The following EFS variants were observed in gnomAD, a reference collection of about 807,000 sequenced individuals.
EFS encodes embryonal Fyn-associated substrate.
In EFS, 34 loss-of-function variants were observed where a neutral mutation model predicts 42.2. That is an observed-to-expected ratio of 0.81 (90% CI 0.61 to 1.07). The LOEUF is 1.07. Ranked by LOEUF, EFS falls within the 50% of genes least tolerant of loss-of-function variation. The pLI is 0.00. For synonymous variants in EFS, 299 were observed against 320.7 expected (o/e 0.93, Z 0.72); for missense variants, 717 against 729.4 (o/e 0.98, Z 0.20).
chr14:23,360,751 AC>A lies in EFS; in HGVS notation c.100del (p.Val34SerfsTer30). The A allele has an allele frequency of 6.2e-7, 1 of 1,613,878 alleles. No individual in the cohort carries two copies. Among genetic ancestry groups the A allele is most frequent in the Non-Finnish European group, 8.5e-7 (1 of 1,179,964 alleles). On this transcript the variant is annotated frameshift_variant, in exon 2 of 6. Coordinates refer to ENST00000216733, the MANE Select transcript of EFS (RefSeq NM_005864.4). LOFTEE classifies it high-confidence loss of function. ...TCCACCAGCGCCCTCTCTCTGCAGG[AC>A]CCGTAGGACATCCCCTCGGCGGAAG... ...LSFRRGDVLR[V>X]LQREGAGGLD... is the part of the protein sequence containing the mutation.
In EFS at chr14:23,361,263, G is replaced by T. The variant is rs566798548; in HGVS notation, c.19-430C>A. On this transcript the variant is annotated intron_variant, in intron 1 of 5. Transcript: ENST00000216733. The stretch of plus-strand genomic sequence containing the variant: ...TGGTCATTACACATGTTGAATGAAT[G>T]TCTTCCAAAACATGTGAAGCCCTGC... Among the ~76,000 whole-genome samples the T allele has an allele frequency of 5.3e-5, 8 of 152,274 alleles. No homozygotes were observed. The South Asian group carries it at 1.7e-3, about 32-fold the overall frequency.
Position 23,358,290 on chromosome 14 carries a change from AAAGTGCATTTC to A in EFS, c.1251+575_1251+585del, listed in dbSNP as rs879817060. ...AGATAATATACAGAAAGGGCTTAGC[AAAGTGCATTTC>A]ACACTGTGAGCACCAGATGAGTGTT... is the stretch of plus-strand genomic sequence containing the variant. On this transcript the variant is annotated intron_variant, in intron 5 of 5. Transcript: ENST00000216733. Among the ~76,000 whole-genome samples the A allele has an allele frequency of 9.5e-4, 145 of 152,346 alleles. No homozygotes were observed. In the Middle Eastern group the frequency reaches 0.02, roughly 21 times the overall value.
rs2231813 is a variant in EFS, at chr14:23,357,376, G to A, written c.1536C>T (p.Gly512=). ...CCAGCACAGTGGCCCGCAATGCCTG[G>A]CCCAGTGCTGTACCTGCAGCCCTGA... ...AQVRAAGTAL[G]QALRATVLAV... is the part of the protein sequence containing the mutation. Residue 512 remains glycine (G), a synonymous_variant, in exon 6 of 6, where the codon GGC becomes GGT. Transcript: ENST00000216733. 1.9e-5 allele frequency: 31 copies of A among 1,610,314 alleles called. No individual in the cohort carries two copies. The Admixed American group carries it at 3.8e-4, about 20-fold the overall frequency.
chr14:23,358,286 T>C (rs1889994750), intron 5 of EFS, among the ~76,000 whole-genome samples: 1 of 152,220 alleles, frequency 6.6e-6, no homozygotes, highest in South Asian at 2.1e-4. Context: ...AGAAAGGGCT[T>C]AGCAAAGTGC....
intron 1 of EFS, 97 bp from the exon 2 acceptor site, chr14:23,360,930 A>G (rs551830253): frequency 1.6e-6 from 2 of 1,283,612 alleles, no homozygotes; most frequent in Admixed American, 3.1e-5. Context: ...CATTTCCCTC[A>G]AGCTAAAAAA....
Position 23,359,746 on chromosome 14 carries a change from C to T in EFS, c.732G>A (p.Glu244=). ...AGATCCCCTCATCAGTGCCCCCGCC[C>T]TCCCCGTCTGCCAGCAGTTCCTCGG... ...EAPEELLADG[E]GGGTDEGIYD... The change falls in exon 4 of 6, where the codon GAG becomes GAA. Residue 244 remains glutamate (E), a synonymous_variant. Transcript: ENST00000216733. 1.3e-6 allele frequency: 2 copies of T among 1,516,318 alleles called. No individual in the cohort carries two copies. The highest frequency in any genetic ancestry group is 1.3e-5 in the South Asian group (1 of 75,058). The allele number at this position is 1,516,318 out of a possible 1,614,324, so 93.9% of individuals were successfully genotyped here.
intron 4 of EFS, 77 bp downstream of exon 4, chr14:23,359,240 C>G: frequency 6.2e-7 from 1 of 1,600,878 alleles, no homozygotes; most frequent in Non-Finnish European, 8.5e-7. Flanking sequence ...GGCTCTGCCT[C>G]TGTGCCCTAG....
At position 23,357,465 on chromosome 14, in the gene EFS, G is replaced by C; in HGVS notation, c.1447C>G (p.Arg483Gly). The C allele has an allele frequency of 6.2e-7, 1 of 1,613,958 alleles. No individual in the cohort carries two copies. The highest frequency in any genetic ancestry group is 8.5e-7 in the Non-Finnish European group (1 of 1,179,986). ...AGGGTGTCCCCAACAAACACCAGGC[G>C]ATGAGCAGCCACCACCACCCTCTTG... ...HSKRVVVAAHRLVFVGDTLGR... is the reference protein window; with the variant it reads ...HSKRVVVAAHGLVFVGDTLGR... The change falls in exon 6 of 6, where the codon CGC becomes GGC. Residue 483 changes from arginine to glycine, a missense_variant. Transcript: ENST00000216733.
Position 23,357,216 on chromosome 14 carries a change from C to A in EFS, c.*10G>T. ...AGGCAGGGGAGGAGCAGAGCTGTGC[C>A]AAAGGACCTTCATGGAGCCAGGCTA... On this transcript the variant is annotated 3_prime_UTR_variant, in exon 6 of 6. Coordinates refer to ENST00000216733, the MANE Select transcript of EFS (RefSeq NM_005864.4). 1 of 1,532,196 alleles carries A rather than the reference C, an allele frequency of 6.5e-7. No homozygotes were observed. Among genetic ancestry groups the A allele is most frequent in the African/African-American group, 1.4e-5 (1 of 73,398 alleles). 94.9% of individuals were successfully genotyped at this position (1,532,196 alleles called of 1,614,324 possible). A position where few individuals can be genotyped will look rare whatever the true frequency, so the allele number is the denominator to read the frequency against.
At chr14:23,359,240 C>T (rs1465411980) in intron 4 of EFS, 77 bp downstream of exon 4, 5 of 1,600,760 alleles carry the variant, frequency 3.1e-6, no homozygotes, top group Admixed American at 3.4e-5. Flanking sequence ...GGCTCTGCCT[C>T]TGTGCCCTAG....
In EFS at chr14:23,357,231, G is replaced by C; in HGVS notation, c.1681C>G (p.Pro561Ala). 6.5e-7 allele frequency: 1 copy of C among 1,541,346 alleles called. No homozygotes were observed. Among genetic ancestry groups the C allele is most frequent in the Non-Finnish European group, 8.8e-7 (1 of 1,136,084 alleles). ...QFTTLLTSLA[P>A] ...AGAGCTGTGCCAAAGGACCTTCATG[G>C]AGCCAGGCTAGTGAGCAGGGTAGTG... The change falls in exon 6 of 6, where the codon CCA becomes GCA. Residue 561 changes from proline to alanine, a missense_variant. Transcript: ENST00000216733.
In EFS at chr14:23,359,427, TG is replaced by T. The variant is rs773265649; in HGVS notation, c.1050del (p.Lys351ArgfsTer36). 9 of 1,335,540 alleles carry T rather than the reference TG, an allele frequency of 6.7e-6. No individual in the cohort carries two copies. Among genetic ancestry groups the T allele is most frequent in the Middle Eastern group, 2.1e-4 (1 of 4,750 alleles). 82.7% of individuals were successfully genotyped at this position (1,335,540 alleles called of 1,614,324 possible). A position where few individuals can be genotyped will look rare whatever the true frequency, so the allele number is the denominator to read the frequency against. On this transcript the variant is annotated frameshift_variant, in exon 4 of 6. Coordinates refer to ENST00000216733, the MANE Select transcript of EFS (RefSeq NM_005864.4). LOFTEE classifies it high-confidence loss of function. Reference protein sequence around the residue: ...PPPRLPGYGGPKVEGDPEGRE... With the variant: ...PPPRLPGYGGXKVEGDPEGRE... ...CTGCCCTCTGGATCCCCCTCGACCT[TG>T]GGGCCTCCATAACCAGGCAGGCGGG...
rs199828925 is a variant in EFS, at chr14:23,360,674, C to A, written c.178G>T (p.Ala60Ser). Residue 60 changes from alanine (A) to serine (S), a missense_variant, in exon 2 of 6, where the codon GCC (alanine) becomes TCC (serine). By Grantham distance (99) the Ala-to-Ser change is moderately conservative. Coordinates refer to ENST00000216733, the MANE Select transcript of EFS (RefSeq NM_005864.4). ...SLHGQQGIVP[A>S]NRVKLLPAGP... ...GCAGGCAAGAGCTTCACCCTGTTGG[C>A]GGGCACAATGCCCTGCTGGCCGTGT... 6.2e-7 allele frequency: 1 copy of A among 1,613,782 alleles called. No homozygotes were observed. Among genetic ancestry groups the A allele is most frequent in the Non-Finnish European group, 8.5e-7 (1 of 1,179,888 alleles).
At chr14:23,364,541 CCT>C (rs1890256961) in intron 1 of EFS, among the ~76,000 whole-genome samples, 2 of 152,154 alleles carry the variant, frequency 1.3e-5, no homozygotes, top group African/African-American at 4.8e-5. Context: ...GCTCTATCTC[CCT>C]TTTTTCCTTA....
At chr14:23,360,383 T>A in intron 2 of EFS, 102 bp from the exon 3 acceptor site, 2 of 1,508,758 alleles carry the variant, frequency 1.3e-6, no homozygotes, top group Non-Finnish European at 8.9e-7. Context: ...TCTCCCTGTA[T>A]CGAGAGGGCC....
rs1890029858 is a variant in EFS, at chr14:23,359,207, G to C, written c.1161+110C>G. The stretch of plus-strand genomic sequence containing the variant: ...GTCCCAGGCTGCAGGGTAGAGGGAA[G>C]GGGGACAGAAGGGAGGCAGGGAGGC... On this transcript the variant is annotated intron_variant, in intron 4 of 5. Transcript: ENST00000216733. 3.9e-6 allele frequency: 6 copies of C among 1,523,708 alleles called. No individual in the cohort carries two copies. The East Asian group carries it at 1.4e-4, about 34-fold the overall frequency. 94.4% of individuals were successfully genotyped at this position (1,523,708 alleles called of 1,614,324 possible).
chr14:23,357,699 T>C (rs951412905), intron 5 of EFS, 39 bp from the exon 6 acceptor site: 1 of 1,465,866 alleles, frequency 6.8e-7, no homozygotes, highest in Admixed American at 2.3e-5. Flanking sequence ...AACATTCTCA[T>C]GAGTGCCATT....
rs748123892 is a variant in EFS at position 23,357,201 on chromosome 14, G to A, written c.*25C>T. The A allele has an allele frequency of 5.4e-6, 8 of 1,492,452 alleles. No homozygotes were observed. Among genetic ancestry groups the A allele is most frequent in the Non-Finnish European group, 7.2e-6 (8 of 1,113,668 alleles). 92.5% of individuals were successfully genotyped at this position (1,492,452 alleles called of 1,614,324 possible). ...AAGGGGGGCTTTGGCAGGCAGGGGAGGAGCAGAGCTGTGCCAAAGGACCTT... is the reference window on the plus strand; with the variant it reads ...AAGGGGGGCTTTGGCAGGCAGGGGAAGAGCAGAGCTGTGCCAAAGGACCTT... On this transcript the variant is annotated 3_prime_UTR_variant, in exon 6 of 6. Transcript: ENST00000216733.
At chr14:23,360,417 A>G (rs1438894938) in intron 2 of EFS, 136 bp from the exon 3 acceptor site, 5 of 1,494,040 alleles carry the variant, frequency 3.3e-6, no homozygotes, top group Non-Finnish European at 4.5e-6. Flanking sequence ...GTTGGTAGAC[A>G]GGTTTCGTCC....
Sources: allele counts gnomAD v4.1 joint callset (sites outside exome capture counted in the v4.1 genomes callset), GRCh38; gene constraint gnomAD v4.1.1; transcripts MANE v1.5; gene names NCBI Gene and HGNC (gene_info 2026-07-23, HGNC 2026-07-21).